ATF2: variants seen among roughly 807,000 people sequenced by gnomAD.
ATF2 encodes activating transcription factor 2.
In ATF2, 24 loss-of-function variants were observed where a neutral mutation model predicts 60.6. That is an observed-to-expected ratio of 0.40 (90% CI 0.29 to 0.56). The LOEUF (loss-of-function observed/expected upper bound fraction) is 0.56, where lower values mean the gene tolerates loss of function less well. Ranked by LOEUF, ATF2 falls within the 20% of genes least tolerant of loss-of-function variation. The pLI is 0.54. For missense variants in ATF2, 433 were observed against 607.7 expected, an observed-to-expected ratio of 0.71 and a Z score of 3.02; for synonymous variants, 206 against 215.4, an observed-to-expected ratio of 0.96 and a Z score of 0.38.
At chr2:175,125,416 G>A (rs1697262820) in intron 4 of ATF2, among the ~76,000 whole-genome samples, 1 of 151,822 alleles carries the variant, frequency 6.6e-6, no homozygotes, top group Non-Finnish European at 1.5e-5. Flanking sequence ...ACGAACACAG[G>A]CCCCCCTAAA....
At chr2:175,122,303 T>C (rs546586415) in intron 4 of ATF2, among the ~76,000 whole-genome samples, 76 of 152,158 alleles carry the variant, frequency 5.0e-4, no homozygotes, top group African/African-American at 1.7e-3. Flanking sequence ...TTATCTCCAA[T>C]GTCTGAACAT....
chr2:175,105,131 T>C (rs1340679867), intron 10 of ATF2, among the ~76,000 whole-genome samples: 7 of 152,320 alleles, frequency 4.6e-5, no homozygotes, highest in Non-Finnish European at 8.8e-5. Flanking sequence ...GTGTTTAAGA[T>C]TATATTTTAA....
chr2:175,125,498 TA>T (rs952053078), intron 4 of ATF2, among the ~76,000 whole-genome samples: 2 of 152,024 alleles, frequency 1.3e-5, no homozygotes, highest in African/African-American at 4.8e-5. Flanking sequence ...TGAGTGAGTA[TA>T]AAAAATTGAT....
intron 11 of ATF2, among the ~76,000 whole-genome samples, chr2:175,097,067 T>C (rs1163386959): frequency 2.0e-5 from 3 of 152,244 alleles, no homozygotes; most frequent in Non-Finnish European, 2.9e-5. Flanking sequence ...TTTCTGGTTA[T>C]ATAACTATTT....
intron 1 of ATF2, among the ~76,000 whole-genome samples, chr2:175,167,469 C>T (rs963468989): frequency 6.6e-5 from 10 of 152,276 alleles, no homozygotes; most frequent in African/African-American, 2.4e-4. Context: ...AGGTTCTCCA[C>T]ACCATTCTTT....
chr2:175,119,634 T>C (rs1296892821), intron 5 of ATF2, among the ~76,000 whole-genome samples: 3 of 151,552 alleles, frequency 2.0e-5, no homozygotes, highest in African/African-American at 7.3e-5. Context: ...ATTTTACTAG[T>C]TTCTAGCCTA....
chr2:175,085,984 G>T (rs1372252439), intron 12 of ATF2, among the ~76,000 whole-genome samples: 1 of 151,944 alleles, frequency 6.6e-6, no homozygotes, highest in South Asian at 2.1e-4. Context: ...GTATCTAAAA[G>T]GTATAATATA....
At chr2:175,125,669 T>G (rs180717633) in intron 4 of ATF2, among the ~76,000 whole-genome samples, 2 of 152,268 alleles carry the variant, frequency 1.3e-5, no homozygotes, top group East Asian at 3.9e-4. Context: ...TTGCTTATAA[T>G]ACCAAAATTA....
At chr2:175,101,928 T>C (rs1287691427) in intron 10 of ATF2, among the ~76,000 whole-genome samples, 1 of 152,116 alleles carries the variant, frequency 6.6e-6, no homozygotes, top group African/African-American at 2.4e-5. Context: ...ACAACAAAAA[T>C]GCACACACGC....
At chr2:175,159,308 G>C (rs558685399) in intron 1 of ATF2, among the ~76,000 whole-genome samples, 2 of 150,306 alleles carry the variant, frequency 1.3e-5, no homozygotes, top group Non-Finnish European at 2.9e-5. Context: ...GACAGAGCAA[G>C]ACTCCGTCTC....
chr2:175,081,507 T>C (rs1005972939), intron 12 of ATF2, among the ~76,000 whole-genome samples: 4 of 152,130 alleles, frequency 2.6e-5, no homozygotes, highest in Non-Finnish European at 4.4e-5. Flanking sequence ...CCCCGAATAT[T>C]AAAAACACGT....
Position 175,136,490 on chromosome 2 carries a change from A to G in ATF2, c.-43-4T>C, listed in dbSNP as rs774766384. ...TCTTTTTCTCATGGCAAGAATACTG[A>G]AAAACAAAGTGGTTTCACACTGTTA... is the stretch of plus-strand genomic sequence containing the variant. On this transcript the variant is annotated splice_polypyrimidine_tract_variant and splice_region_variant and intron_variant, in intron 2 of 13. Transcript: ENST00000264110. The G allele has an allele frequency of 1.3e-6, 2 of 1,547,464 alleles. No homozygotes were observed. The highest frequency in any genetic ancestry group is 2.7e-5 in the African/African-American group (2 of 72,826).
chr2:175,078,413 T>C (rs751208175), intron 13 of ATF2, among the ~76,000 whole-genome samples: 9 of 152,226 alleles, frequency 5.9e-5, no homozygotes, highest in Admixed American at 1.3e-4. Context: ...GGCAATAAGA[T>C]CACTTTTGTG....
chr2:175,140,273 G>C (rs181501723), intron 2 of ATF2, among the ~76,000 whole-genome samples: 20 of 152,210 alleles, frequency 1.3e-4, no homozygotes, highest in African/African-American at 4.8e-4. Context: ...CTAATAACTT[G>C]GTTCAAAGTG....
At chr2:175,161,913 A>G (rs894301135) in intron 1 of ATF2, among the ~76,000 whole-genome samples, 6 of 152,108 alleles carry the variant, frequency 3.9e-5, no homozygotes, top group African/African-American at 1.4e-4. Context: ...GGCACCCGCC[A>G]TCATGCCCAG....
chr2:175,136,873 T>C (rs1286902224), intron 2 of ATF2, among the ~76,000 whole-genome samples: 1 of 152,174 alleles, frequency 6.6e-6, no homozygotes, highest in African/African-American at 2.4e-5. Context: ...TACTTACTGA[T>C]ATTCAGCTTC....
intron 7 of ATF2, 141 bp from the exon 8 acceptor site, chr2:175,115,009 G>C (rs1170173495): frequency 1.4e-5 from 9 of 655,030 alleles, no homozygotes; most frequent in East Asian, 6.5e-5. Context: ...TTAATTAAAA[G>C]AACATTTTAG....
intron 10 of ATF2, among the ~76,000 whole-genome samples, chr2:175,109,086 G>C (rs1234099122): frequency 7.5e-6 from 1 of 133,778 alleles, no homozygotes; most frequent in Admixed American, 8.7e-5. Flanking sequence ...TTGTTCACTT[G>C]TTTATGTGCT....
chr2:175,134,540 TA>T (rs34374458), intron 3 of ATF2, among the ~76,000 whole-genome samples: 20,146 of 134,802 alleles, frequency 0.15, 1,346 homozygotes, highest in Middle Eastern at 0.2. Flanking sequence ...AAAACTGGTT[TA>T]AAAAAAAAAA....
Sources: gnomAD v4.1 joint callset for allele counts (sites outside exome capture counted in the v4.1 genomes callset) on GRCh38, gnomAD v4.1.1 for gene constraint, MANE v1.5 for transcripts, NCBI Gene and HGNC (gene_info 2026-07-23, HGNC 2026-07-21) for gene names.